Variants in PRKACB observed in about 807,000 individuals in gnomAD.
The protein encoded by PRKACB is cAMP-dependent protein kinase catalytic subunit beta.
In PRKACB, 16 loss-of-function variants were observed where a neutral mutation model predicts 51.4. The ratio of observed to expected loss-of-function variants is 0.31; its 90% CI spans 0.21 to 0.47. The LOEUF (loss-of-function observed/expected upper bound fraction) is 0.47, where lower values mean the gene tolerates loss of function less well. Ranked by LOEUF, PRKACB falls within the 20% of genes least tolerant of loss-of-function variation. The probability of loss-of-function intolerance (pLI) is 1.00; values close to 1 mark genes in which losing one functional copy is unlikely to be tolerated. For synonymous variants in PRKACB, 147 were observed against 154.4 expected (o/e 0.95, Z 0.35); for missense variants, 309 against 464.5 (o/e 0.67, Z 3.08).
chr1:84,208,024 C>A (rs900540593), intron 8 of PRKACB, among the ~76,000 whole-genome samples: 2 of 152,064 alleles, frequency 1.3e-5, no homozygotes, highest in African/African-American at 4.8e-5. Flanking sequence ...TGTGCCACCA[C>A]GCCCGGCTAA....
At chr1:84,099,077 A>G (rs1212785813) in intron 1 of PRKACB, among the ~76,000 whole-genome samples, 1 of 152,100 alleles carries the variant, frequency 6.6e-6, no homozygotes, top group Admixed American at 6.6e-5. Flanking sequence ...GGGAATGTAC[A>G]TATTAAATGA....
At chr1:84,203,069 A>C (rs530696284) in intron 8 of PRKACB, among the ~76,000 whole-genome samples, 2 of 152,160 alleles carry the variant, frequency 1.3e-5, no homozygotes, top group African/African-American at 4.8e-5. Context: ...CATAGCCATA[A>C]TTCTCGATAT....
chr1:84,147,949 A>G (rs147607459), intron 1 of PRKACB, among the ~76,000 whole-genome samples: 1 of 152,242 alleles, frequency 6.6e-6, no homozygotes, highest in East Asian at 1.9e-4. Flanking sequence ...AAAATAATAT[A>G]ATGCAACCTT....
At chr1:84,175,207 T>C (rs944223128) in intron 1 of PRKACB, among the ~76,000 whole-genome samples, 12 of 151,744 alleles carry the variant, frequency 7.9e-5, no homozygotes, top group Non-Finnish European at 1.6e-4. Context: ...GTTTGTTTAG[T>C]TTTGTTGGGT....
At chr1:84,170,737 T>C (rs1259404465) in intron 1 of PRKACB, among the ~76,000 whole-genome samples, 2 of 151,624 alleles carry the variant, frequency 1.3e-5, no homozygotes, top group African/African-American at 4.8e-5. Context: ...TCACTAGACA[T>C]AGTAAAATTA....
rs373561506 is a variant in PRKACB, at chr1:84,210,357, C to G, written c.907-3796C>G. On this transcript the variant is annotated intron_variant, in intron 8 of 9. Coordinates refer to ENST00000370685, the MANE Select transcript of PRKACB (RefSeq NM_182948.4). The stretch of plus-strand genomic sequence containing the variant: ...CTTCCATGTTAAATGATGCCAGTTT[C>G]CCATAACCTTATCTCTCAGACCTAA... 2.0e-5 allele frequency among the ~76,000 whole-genome samples: 3 copies of G among 152,134 alleles called. No homozygotes were observed. The East Asian group carries it at 5.8e-4, about 29-fold the overall frequency.
chr1:84,098,239 C>T lies in PRKACB; in HGVS notation c.46+19868C>T, dbSNP rs186809300. Reference sequence around the variant, plus strand: ...TTATTTTGCAGAAATGTTATACGTACGCATAGTTTATGAATATAAATAAAA... The same window carrying T: ...TTATTTTGCAGAAATGTTATACGTATGCATAGTTTATGAATATAAATAAAA... On this transcript the variant is annotated intron_variant, in intron 1 of 8. Transcript: ENST00000370688. Among the ~76,000 whole-genome samples, 678 of 152,018 alleles carry T rather than the reference C, an allele frequency of 4.5e-3. 4 individuals carry two copies. Among genetic ancestry groups the T allele is most frequent in the African/African-American group, 0.014 (574 of 41,496 alleles).
chr1:84,234,492 G>A (rs1219936232), intron 9 of PRKACB, among the ~76,000 whole-genome samples: 1 of 152,268 alleles, frequency 6.6e-6, no homozygotes, highest in East Asian at 1.9e-4. Flanking sequence ...CCTGGGCAAT[G>A]GCGGGCGCCC....
chr1:84,123,465 A>T (rs1403844070), intron 1 of PRKACB, among the ~76,000 whole-genome samples: 2 of 152,166 alleles, frequency 1.3e-5, no homozygotes, highest in Admixed American at 1.3e-4. Context: ...TATGTACAAC[A>T]ACAAAGTACT....
upstream of PRKACB, chr1:84,078,087 T>TGCCACCGCCGTCGCCGCCGCCGCC (rs1352598140): frequency 1.1e-4 from 46 of 400,326 alleles, no homozygotes; most frequent in African/African-American, 9.6e-4. Flanking sequence ...CCACTGCTGC[T>TGCCACCGCCGTCGCCGCCGCCGCC]GCCACCGCCG....
intron 1 of PRKACB, among the ~76,000 whole-genome samples, chr1:84,117,646 T>C (rs575584957): frequency 1.0e-3 from 155 of 152,312 alleles, no homozygotes; most frequent in Middle Eastern, 6.8e-3. Context: ...TCAGTTGTAA[T>C]GTCTGCTTTT....
At chr1:84,193,496 A>G (rs1287095295) in intron 5 of PRKACB, among the ~76,000 whole-genome samples, 1 of 152,242 alleles carries the variant, frequency 6.6e-6, no homozygotes. Context: ...TGACTGAAGA[A>G]TAAAAAGAAG....
At chr1:84,112,626 T>G (rs1234359581) in intron 1 of PRKACB, among the ~76,000 whole-genome samples, 1 of 152,200 alleles carries the variant, frequency 6.6e-6, no homozygotes, top group Admixed American at 6.5e-5. Context: ...CTCAATCTAA[T>G]AAATTCATTT....
At chr1:84,214,875 A>G (rs1412975514) in intron 9 of PRKACB, among the ~76,000 whole-genome samples, 4 of 152,156 alleles carry the variant, frequency 2.6e-5, no homozygotes, top group Non-Finnish European at 5.9e-5. Flanking sequence ...TTTCCTATCT[A>G]TGCTTGTTAC....
intron 1 of PRKACB, among the ~76,000 whole-genome samples, chr1:84,101,707 C>T (rs1258629595): frequency 1.3e-5 from 2 of 152,014 alleles, no homozygotes; most frequent in Non-Finnish European, 1.5e-5. Flanking sequence ...ACCAATAAAC[C>T]GATGTTGAAG....
At chr1:84,092,605 T>C (rs1468277697) in intron 1 of PRKACB, among the ~76,000 whole-genome samples, 2 of 152,158 alleles carry the variant, frequency 1.3e-5, no homozygotes. Context: ...TGAGAGAGAA[T>C]GATGTTGAAT....
chr1:84,223,552 G>A (rs143405817), intron 9 of PRKACB, among the ~76,000 whole-genome samples: 2,166 of 151,926 alleles, frequency 0.014, 19 homozygotes, highest in Non-Finnish European at 0.023. Flanking sequence ...TGTATTTTTA[G>A]TAGAGACAGG....
chr1:84,095,248 T>TTTG (rs1648835835), intron 1 of PRKACB, among the ~76,000 whole-genome samples: 1 of 35,860 alleles, frequency 2.8e-5, no homozygotes, highest in Admixed American at 2.5e-4. Flanking sequence ...ATATTTGCTG[T>TTTG]TTTTTTTTTT....
At chr1:84,185,058 A>G in intron 4 of PRKACB, 42 bp from the exon 5 acceptor site, 1 of 1,188,744 alleles carries the variant, frequency 8.4e-7, no homozygotes. Context: ...AATAATTTTG[A>G]CCTAAGTTGA....
Sources: gnomAD v4.1 joint callset for allele counts (sites outside exome capture counted in the v4.1 genomes callset) on GRCh38, gnomAD v4.1.1 for gene constraint, MANE v1.5 for transcripts, NCBI Gene and HGNC (gene_info 2026-07-23, HGNC 2026-07-21) for gene names.